The following BBOX1 variants were observed in gnomAD, a reference collection of about 807,000 sequenced individuals.
The protein encoded by BBOX1 is gamma-butyrobetaine hydroxylase 1.
BBOX1 carries 35 observed loss-of-function variants against 41.6 expected under a neutral mutation model. The ratio of observed to expected loss-of-function variants is 0.84; its 90% CI spans 0.64 to 1.11. The LOEUF is 1.11. BBOX1 is among the 50% of genes most tolerant of loss of function. BBOX1 has a pLI of 0.00. For missense variants in BBOX1, 458 were observed against 460.6 expected (o/e 0.99, Z 0.05); for synonymous variants, 163 against 154.7 (o/e 1.05, Z -0.40).
intron 4 of BBOX1, among the ~76,000 whole-genome samples, chr11:27,071,395 G>A (rs2351071): frequency 0.68 from 101,195 of 148,828 alleles, 34,499 homozygotes; most frequent in East Asian, 0.94. Context: ...AAAAAAAAAA[G>A]GGGGCTAAAG....
At chr11:27,070,260 T>C (rs970778545) in intron 4 of BBOX1, among the ~76,000 whole-genome samples, 1 of 152,182 alleles carries the variant, frequency 6.6e-6, no homozygotes, top group Admixed American at 6.5e-5. Context: ...GAATGTTCTA[T>C]AAATATCAGG....
intron 5 of BBOX1, among the ~76,000 whole-genome samples, chr11:27,094,533 C>T (rs1472358529): frequency 6.6e-6 from 1 of 151,946 alleles, no homozygotes; most frequent in Non-Finnish European, 1.5e-5. Context: ...ACAACAGAGC[C>T]TAAATCCTTG....
At chr11:27,049,521 A>T (rs1851603449) in intron 2 of BBOX1, among the ~76,000 whole-genome samples, 2 of 152,088 alleles carry the variant, frequency 1.3e-5, no homozygotes, top group South Asian at 4.1e-4. Context: ...AATAGCTGGG[A>T]TTACAGGCAT....
In BBOX1 at chr11:27,093,256, C is replaced by G. The variant is rs1332228067; in HGVS notation, c.423C>G (p.Leu141=). The G allele has an allele frequency of 6.2e-7, 1 of 1,612,494 alleles. No individual in the cohort carries two copies. Among genetic ancestry groups the G allele is most frequent in the South Asian group, 1.1e-5 (1 of 91,034 alleles). ...ATGATGAACACGCATACAAGTGGCT[C>G]TCCACCCTCAAGAAAGTAGGCATAG... The part of the protein sequence containing the change: ...LRYDEHAYKW[L]STLKKVGIVR... Residue 141 remains leucine (L), a synonymous_variant, in exon 5 of 9, where the codon CTC becomes CTG. Transcript: ENST00000263182.
intron 4 of BBOX1, among the ~76,000 whole-genome samples, chr11:27,087,045 T>C (rs1333807785): frequency 2.0e-5 from 3 of 152,106 alleles, no homozygotes; most frequent in Admixed American, 6.6e-5. Context: ...TTCTTTTGAA[T>C]GGGCAAAGAA....
At chr11:27,078,738 G>T (rs184027939) in intron 4 of BBOX1, among the ~76,000 whole-genome samples, 43 of 152,310 alleles carry the variant, frequency 2.8e-4, no homozygotes, top group African/African-American at 1.0e-3. Context: ...ACTATATCAA[G>T]AAAGTGCTTC....
rs202054890 is a variant in BBOX1 at position 27,055,536 on chromosome 11, G to T, written c.106G>T (p.Asp36Tyr). The part of the protein sequence containing the change: ...ESLYPAVWLR[D>Y]NCPCSDCYLD... ...TCTCTACCCAGCTGTATGGTTGAGA[G>T]ACAACTGTCCGTGCTCTGATTGCTA... Residue 36 changes from aspartate to tyrosine, a missense_variant, in exon 3 of 9, where the codon GAC becomes TAC. Transcript: ENST00000263182. 2.5e-6 allele frequency: 4 copies of T among 1,614,212 alleles called. No individual in the cohort carries two copies. The highest frequency in any genetic ancestry group is 3.4e-6 in the Non-Finnish European group (4 of 1,180,032).
intron 5 of BBOX1, among the ~76,000 whole-genome samples, chr11:27,097,897 C>T (rs1299974478): frequency 6.6e-6 from 1 of 151,948 alleles, no homozygotes; most frequent in Admixed American, 6.6e-5. Flanking sequence ...TAAGATTATG[C>T]AATGTCGTGC....
At chr11:27,065,061 A>G (rs1857241645) in intron 4 of BBOX1, among the ~76,000 whole-genome samples, 1 of 152,226 alleles carries the variant, frequency 6.6e-6, no homozygotes, top group African/African-American at 2.4e-5. Context: ...TGCAAAGGCC[A>G]TTGAGTTCTT....
At chr11:27,113,191 T>C (rs190599280) in intron 5 of BBOX1, among the ~76,000 whole-genome samples, 2 of 152,120 alleles carry the variant, frequency 1.3e-5, no homozygotes, top group African/African-American at 4.8e-5. Context: ...GGAGCACTTA[T>C]ACACTGCTGG....
intron 5 of BBOX1, among the ~76,000 whole-genome samples, chr11:27,103,853 GTTGTTGTTGTTT>G (rs1226374093): frequency 1.3e-5 from 2 of 151,958 alleles, no homozygotes; most frequent in African/African-American, 4.8e-5. Flanking sequence ...CCTTGATTTT[GTTGTTGTTGTTT>G]TTGTTGTTGT....
intron 5 of BBOX1, among the ~76,000 whole-genome samples, chr11:27,103,185 C>CA (rs1355146846): frequency 4.6e-5 from 7 of 151,246 alleles, no homozygotes; most frequent in South Asian, 2.1e-4. Flanking sequence ...TCCATCTCAA[C>CA]AAAAAAAAGT....
At chr11:27,121,093 C>A (rs1392936780) in intron 7 of BBOX1, among the ~76,000 whole-genome samples, 1 of 152,028 alleles carries the variant, frequency 6.6e-6, no homozygotes, top group East Asian at 1.9e-4. Flanking sequence ...TATTAAAGAG[C>A]GTGGTGAGGG....
intron 4 of BBOX1, 24 bp downstream of exon 4, chr11:27,057,339 G>A: frequency 1.3e-6 from 2 of 1,558,818 alleles, no homozygotes; most frequent in Non-Finnish European, 1.8e-6. Context: ...AGTCTTCAAT[G>A]TCTTTTTAAA....
At chr11:27,055,716 T>TTC in intron 3 of BBOX1, 67 bp downstream of exon 3, 5 of 1,430,826 alleles carry the variant, frequency 3.5e-6, no homozygotes, top group African/African-American at 1.4e-5. Context: ...CAACAATAAT[T>TTC]TAGATAACTC....
intron 4 of BBOX1, among the ~76,000 whole-genome samples, chr11:27,065,282 T>C (rs1857248733): frequency 1.3e-5 from 2 of 152,216 alleles, no homozygotes; most frequent in Non-Finnish European, 2.9e-5. Context: ...ATTAAGTGAA[T>C]ACAGCTATCT....
chr11:27,073,012 G>T (rs182213471), intron 4 of BBOX1, among the ~76,000 whole-genome samples: 8,771 of 152,090 alleles, frequency 0.058, 343 homozygotes, highest in Middle Eastern at 0.14. Flanking sequence ...GGGCAAGGAC[G>T]TCATGTCTAA....
chr11:27,073,926 A>G (rs954577853), intron 4 of BBOX1, among the ~76,000 whole-genome samples: 14 of 148,708 alleles, frequency 9.4e-5, no homozygotes, highest in African/African-American at 2.5e-4. Flanking sequence ...GGTGGGGGTA[A>G]GGGGGAGGGA....
chr11:27,112,450 T>G (rs1196772940), intron 5 of BBOX1, among the ~76,000 whole-genome samples: 1 of 151,636 alleles, frequency 6.6e-6, no homozygotes, highest in Non-Finnish European at 1.5e-5. Flanking sequence ...AAATTGAGTT[T>G]CTCAGATAAA....
Sources: gnomAD v4.1 joint callset for allele counts (sites outside exome capture counted in the v4.1 genomes callset) on GRCh38, gnomAD v4.1.1 for gene constraint, MANE v1.5 for transcripts, NCBI Gene and HGNC (gene_info 2026-07-23, HGNC 2026-07-21) for gene names.